E2F5: variants seen among roughly 807,000 people sequenced by gnomAD.
The protein encoded by E2F5 is transcription factor E2F5.
E2F5 carries 23 observed loss-of-function variants against 39.1 expected under a neutral mutation model. The observed-to-expected ratio is 0.59, with a 90% CI of 0.42 to 0.83. The LOEUF (loss-of-function observed/expected upper bound fraction) is 0.83, where lower values mean the gene tolerates loss of function less well. E2F5 is among the 40% of genes least tolerant of loss of function. The pLI, the probability that E2F5 is intolerant of heterozygous loss-of-function variation, is 0.00. For missense variants in E2F5, 365 were observed against 406.7 expected (o/e 0.90, Z 0.88); for synonymous variants, 145 against 157.8 (o/e 0.92, Z 0.61).
chr8:85,177,699 G>GC, intron 1 of E2F5, 45 bp downstream of exon 1: 1 of 1,226,550 alleles, frequency 8.2e-7, no homozygotes. Context: ...GGAACCCGTG[G>GC]CCCCCGGGGA....
intron 5 of E2F5, 23 bp from the exon 6 acceptor site, chr8:85,209,119 G>T (rs1307116658): frequency 6.2e-7 from 1 of 1,608,736 alleles, no homozygotes; most frequent in Admixed American, 1.7e-5. Context: ...TTATACATTT[G>T]TTTATACCCA....
chr8:85,202,485 CA>C (rs1281232145), intron 2 of E2F5, among the ~76,000 whole-genome samples: 12 of 152,300 alleles, frequency 7.9e-5, no homozygotes, highest in African/African-American at 2.9e-4. Context: ...CTTTCTCCCT[CA>C]AGCTATTACT....
At chr8:85,206,762 G>GGGAC (rs2129741128) in intron 4 of E2F5, among the ~76,000 whole-genome samples, 1 of 152,078 alleles carries the variant, frequency 6.6e-6, no homozygotes, top group East Asian at 1.9e-4. Context: ...CTAAAATGGG[G>GGGAC]GGACGTGTGT....
intron 1 of E2F5, among the ~76,000 whole-genome samples, chr8:85,183,079 G>C (rs1461689592): frequency 6.6e-6 from 1 of 152,058 alleles, no homozygotes; most frequent in African/African-American, 2.4e-5. Flanking sequence ...GTGAAACCCC[G>C]TTTCTACTAA....
At chr8:85,209,442 G>C (rs1400969091) in intron 6 of E2F5, 33 bp downstream of exon 6, 1 of 1,552,182 alleles carries the variant, frequency 6.4e-7, no homozygotes, top group Non-Finnish European at 8.7e-7. Flanking sequence ...GTAAATTAGA[G>C]AGGGAGAAAT....
chr8:85,185,767 G>C (rs571549199), intron 1 of E2F5, among the ~76,000 whole-genome samples: 2 of 152,262 alleles, frequency 1.3e-5, no homozygotes, highest in South Asian at 2.1e-4. Context: ...AATGCTCATC[G>C]TCACTGGTCA....
In E2F5 at chr8:85,177,485, G is replaced by GGCC; in HGVS notation, c.74_76dup (p.Pro25dup). On this transcript the variant is annotated inframe_insertion, in exon 1 of 8. Transcript: ENST00000416274. ...CCGGCAGGGCAGGGGCAGGGCCAGC[G>GGCC]GCCGCCGCCGCAGCCTCCGCAGGCG... The GGCC allele has an allele frequency of 2.9e-6, 3 of 1,031,364 alleles. No homozygotes were observed. Among genetic ancestry groups the GGCC allele is most frequent in the Non-Finnish European group, 3.5e-6 (3 of 861,992 alleles). 63.9% of individuals were successfully genotyped at this position (1,031,364 alleles called of 1,614,324 possible).
At chr8:85,194,335 A>T (rs1290446438) in intron 1 of E2F5, among the ~76,000 whole-genome samples, 1 of 152,132 alleles carries the variant, frequency 6.6e-6, no homozygotes, top group Admixed American at 6.5e-5. Context: ...CATATTCACT[A>T]TAATTTCTTC....
chr8:85,179,565 G>A (rs1281061913), intron 1 of E2F5, among the ~76,000 whole-genome samples: 4 of 151,986 alleles, frequency 2.6e-5, no homozygotes, highest in Admixed American at 2.6e-4. Flanking sequence ...GAGTTTGAAT[G>A]TCTTTAGTTT....
At chr8:85,189,997 A>C (rs1812426235) in intron 1 of E2F5, among the ~76,000 whole-genome samples, 1 of 152,162 alleles carries the variant, frequency 6.6e-6, no homozygotes, top group African/African-American at 2.4e-5. Flanking sequence ...GCCAGATGTC[A>C]TCAATATATA....
At position 85,214,012 on chromosome 8, in the gene E2F5, A is replaced by G; in HGVS notation, c.*150A>G. ...TTCCCTAATACTTTCTTTACTTCACAAAACTTCAACCATAAAAACAAAGGG... is the reference window on the plus strand; with the variant it reads ...TTCCCTAATACTTTCTTTACTTCACGAAACTTCAACCATAAAAACAAAGGG... On this transcript the variant is annotated 3_prime_UTR_variant, in exon 8 of 8. Coordinates refer to ENST00000416274, the MANE Select transcript of E2F5 (RefSeq NM_001951.4). 3.3e-6 allele frequency: 2 copies of G among 609,436 alleles called. No individual in the cohort carries two copies. The highest frequency in any genetic ancestry group is 5.7e-6 in the Non-Finnish European group (2 of 348,750). 37.8% of individuals were successfully genotyped at this position (609,436 alleles called of 1,614,324 possible).
At chr8:85,195,819 G>T (rs1477229129) in intron 1 of E2F5, among the ~76,000 whole-genome samples, 1 of 152,146 alleles carries the variant, frequency 6.6e-6, no homozygotes, top group Non-Finnish European at 1.5e-5. Flanking sequence ...GTATGCAATT[G>T]AAAATGTAGG....
chr8:85,207,542 C>T (rs1206834925), intron 5 of E2F5, 53 bp downstream of exon 5: 1 of 1,417,534 alleles, frequency 7.1e-7, no homozygotes, highest in Non-Finnish European at 9.6e-7. Context: ...TCTACTGTCT[C>T]AAGAAGGATA....
chr8:85,185,756 A>G (rs1007540605), intron 1 of E2F5, among the ~76,000 whole-genome samples: 4 of 152,264 alleles, frequency 2.6e-5, no homozygotes, highest in Non-Finnish European at 5.9e-5. Context: ...ACATATGAAA[A>G]AATGCTCATC....
chr8:85,184,295 G>A (rs1812280237), intron 1 of E2F5, among the ~76,000 whole-genome samples: 1 of 152,116 alleles, frequency 6.6e-6, no homozygotes, highest in African/African-American at 2.4e-5. Flanking sequence ...GATGCAAAAA[G>A]GCCTTCAACA....
chr8:85,196,254 C>T (rs1812577410), intron 1 of E2F5, among the ~76,000 whole-genome samples: 1 of 152,148 alleles, frequency 6.6e-6, no homozygotes, highest in African/African-American at 2.4e-5. Flanking sequence ...ATTGAAAACA[C>T]ATAGTGGCCA....
intron 1 of E2F5, among the ~76,000 whole-genome samples, chr8:85,187,485 C>T (rs1812368390): frequency 6.6e-6 from 1 of 152,116 alleles, no homozygotes; most frequent in East Asian, 1.9e-4. Context: ...TGGGTTCACA[C>T]ATATTTACAA....
At chr8:85,182,667 CTGT>C (rs1169401623) in intron 1 of E2F5, among the ~76,000 whole-genome samples, 1 of 152,148 alleles carries the variant, frequency 6.6e-6, no homozygotes, top group Non-Finnish European at 1.5e-5. Flanking sequence ...ATTTGAACAA[CTGT>C]TAAGATAGTC....
Position 85,209,397 on chromosome 8 carries a change from G to A in E2F5, c.871G>A (p.Asp291Asn). The A allele has an allele frequency of 6.2e-7, 1 of 1,609,562 alleles. No homozygotes were observed. Among genetic ancestry groups the A allele is most frequent in the Non-Finnish European group, 8.5e-7 (1 of 1,177,634 alleles). Reference protein sequence around the residue: ...SQALQQTSATDISSAGSISGD... With the variant: ...SQALQQTSATNISSAGSISGD... ...GGCTCTGCAGCAGACATCAGCTACA[G>A]ATATATCTTCAGGTGGGTTCAGAGC... Residue 291 changes from aspartate to asparagine, a missense_variant, in exon 6 of 8, where the codon GAT becomes AAT. By Grantham distance (23) the Asp-to-Asn change is conservative. Transcript: ENST00000416274.
Sources: gnomAD v4.1 joint callset for allele counts (sites outside exome capture counted in the v4.1 genomes callset) on GRCh38, gnomAD v4.1.1 for gene constraint, MANE v1.5 for transcripts, NCBI Gene and HGNC (gene_info 2026-07-23, HGNC 2026-07-21) for gene names.